Variants in RIMS4 observed in about 807,000 individuals in gnomAD.
The protein encoded by RIMS4 is regulating synaptic membrane exocytosis 4.
Under a neutral mutation model 29.0 loss-of-function variants are expected in RIMS4, and 9 were observed. The ratio of observed to expected loss-of-function variants is 0.31; its 90% confidence interval spans 0.19 to 0.54. The LOEUF (loss-of-function observed/expected upper bound fraction) is 0.54, where lower values mean the gene tolerates loss of function less well. RIMS4 is among the 20% of genes least tolerant of loss of function. The probability of loss-of-function intolerance (pLI) is 0.94; values close to 1 mark genes in which losing one functional copy is unlikely to be tolerated. For synonymous variants in RIMS4, 130 were observed against 152.9 expected (o/e 0.85, Z 1.10); for missense variants, 193 against 365.7 (o/e 0.53, Z 3.85).
rs2066062129 is a variant in RIMS4 at position 44,756,726 on chromosome 20, T to C, written c.591+172A>G. ...TCAGAAGGGAACTTGTTCAAAGTTGTGCAGTAAGTTGTGGAGCTCAGTTCA... is the reference window on the plus strand; with the variant it reads ...TCAGAAGGGAACTTGTTCAAAGTTGCGCAGTAAGTTGTGGAGCTCAGTTCA... On this transcript the variant is annotated intron_variant, in intron 5 of 5. Coordinates refer to ENST00000372851, the MANE Select transcript of RIMS4 (RefSeq NM_182970.4). This position sits in a 1 kb window ranked among gnomAD's most constrained non-coding sequence, Gnocchi z 5.9. Among the ~76,000 whole-genome samples, 1 of 152,042 alleles carries C rather than the reference T, an allele frequency of 6.6e-6. No individual in the cohort carries two copies. The highest frequency in any genetic ancestry group is 1.5e-5 in the Non-Finnish European group (1 of 67,980).
chr20:44,771,648 C>G (rs1054816823), intron 1 of RIMS4, among the ~76,000 whole-genome samples: 1 of 152,182 alleles, frequency 6.6e-6, no homozygotes, highest in Non-Finnish European at 1.5e-5. Context: ...GCTTTTTCTC[C>G]CCCTTGAATT....
At chr20:44,805,081 T>C (rs2066292939) in intron 1 of RIMS4, among the ~76,000 whole-genome samples, 1 of 151,958 alleles carries the variant, frequency 6.6e-6, no homozygotes, top group African/African-American at 2.4e-5. Flanking sequence ...GGGAGGATCG[T>C]TGAGTTCAGG....
chr20:44,790,197 G>A (rs1262910567), intron 1 of RIMS4, among the ~76,000 whole-genome samples: 1 of 152,250 alleles, frequency 6.6e-6, no homozygotes, highest in Non-Finnish European at 1.5e-5. Context: ...CACATGCAGC[G>A]CAGGTTGAGA....
intron 1 of RIMS4, among the ~76,000 whole-genome samples, chr20:44,807,276 C>A (rs893037318): frequency 1.3e-5 from 2 of 152,214 alleles, no homozygotes; most frequent in African/African-American, 4.8e-5. Context: ...GTGAAGAAGG[C>A]TCAGCTTCCT....
Position 44,757,992 on chromosome 20 carries a change from GGAAGGAGGGAGAGACGCT to G in RIMS4, c.349+62_349+79del. 4 of 1,125,398 alleles carry G rather than the reference GGAAGGAGGGAGAGACGCT, an allele frequency of 3.6e-6. No homozygotes were observed. In the Middle Eastern group the frequency reaches 7.6e-4, roughly 214 times the overall value. 69.7% of individuals were successfully genotyped at this position (1,125,398 alleles called of 1,614,324 possible). A position where few individuals can be genotyped will look rare whatever the true frequency, so the allele number is the denominator to read the frequency against. Reference sequence around the variant, plus strand: ...CAGAGGATGGATCAACAGGCAAAGGGGAAGGAGGGAGAGACGCTGAGCTTCTGGTGTGACACCCAACTC... The same window carrying G: ...CAGAGGATGGATCAACAGGCAAAGGGGAGCTTCTGGTGTGACACCCAACTC... On this transcript the variant is annotated intron_variant, in intron 3 of 5. Transcript: ENST00000372851.
chr20:44,788,628 C>A (rs943835245), intron 1 of RIMS4, among the ~76,000 whole-genome samples: 3 of 152,056 alleles, frequency 2.0e-5, no homozygotes, highest in African/African-American at 7.3e-5. Flanking sequence ...TGAAAACTAG[C>A]CAGTCAAGGC....
intron 2 of RIMS4, among the ~76,000 whole-genome samples, chr20:44,761,347 C>T (rs1389290389): frequency 6.6e-6 from 1 of 152,160 alleles, no homozygotes; most frequent in Non-Finnish European, 1.5e-5. Context: ...CAGCACTCAC[C>T]TCTATACTTT....
chr20:44,785,750 C>CTTT (rs969567189), intron 1 of RIMS4, among the ~76,000 whole-genome samples: 4 of 122,950 alleles, frequency 3.3e-5, no homozygotes, highest in African/African-American at 6.0e-5. Flanking sequence ...CATAGGTTTT[C>CTTT]TTTTTTTTTT....
At chr20:44,768,751 C>T (rs969148182) in intron 2 of RIMS4, among the ~76,000 whole-genome samples, 1 of 152,226 alleles carries the variant, frequency 6.6e-6, no homozygotes, top group African/African-American at 2.4e-5. Flanking sequence ...TTTTAGTAAT[C>T]GTAATCCTCA....
intron 2 of RIMS4, among the ~76,000 whole-genome samples, chr20:44,765,600 A>G (rs1323766981): frequency 6.6e-6 from 1 of 152,186 alleles, no homozygotes; most frequent in East Asian, 1.9e-4. Context: ...GCTGCTAAAT[A>G]GTAGAGGTGG....
intron 1 of RIMS4, among the ~76,000 whole-genome samples, chr20:44,787,860 G>A (rs1273697215): frequency 6.6e-6 from 1 of 152,194 alleles, no homozygotes; most frequent in Non-Finnish European, 1.5e-5. Context: ...GAACACAAGT[G>A]TCTGCAATAC....
chr20:44,806,746 T>C (rs180722286), intron 1 of RIMS4, among the ~76,000 whole-genome samples: 56 of 152,298 alleles, frequency 3.7e-4, no homozygotes, highest in African/African-American at 1.3e-3. Flanking sequence ...ATTAAAAGCA[T>C]AGATGCTTAA....
intron 1 of RIMS4, among the ~76,000 whole-genome samples, chr20:44,775,686 C>A (rs955477579): frequency 6.6e-6 from 1 of 152,174 alleles, no homozygotes; most frequent in African/African-American, 2.4e-5. Context: ...GTTCTGGGGG[C>A]ACTTCCTTCA....
intron 1 of RIMS4, among the ~76,000 whole-genome samples, chr20:44,778,781 C>A (rs2066171395): frequency 1.3e-5 from 2 of 152,234 alleles, no homozygotes; most frequent in Non-Finnish European, 2.9e-5. Context: ...AAAGCATGGA[C>A]AATGGAGCCT....
chr20:44,760,884 G>T (rs1021790949), intron 2 of RIMS4, among the ~76,000 whole-genome samples: 1 of 152,170 alleles, frequency 6.6e-6, no homozygotes, highest in Non-Finnish European at 1.5e-5. Flanking sequence ...GTAAATGATA[G>T]AAATCTTAGT....
intron 1 of RIMS4, among the ~76,000 whole-genome samples, chr20:44,800,567 A>G (rs533289235): frequency 1.3e-3 from 197 of 152,052 alleles, no homozygotes; most frequent in South Asian, 6.5e-3. Flanking sequence ...AGCAAAGATC[A>G]GCTAGAGAGA....
At chr20:44,809,987 C>T (rs1431323755) in intron 1 of RIMS4, among the ~76,000 whole-genome samples, 188 bp downstream of exon 1, 1 of 151,560 alleles carries the variant, frequency 6.6e-6, no homozygotes, top group African/African-American at 2.4e-5. Context: ...TCTCGGGGTC[C>T]CTGGGGGAGA....
In RIMS4 at chr20:44,760,660, G is replaced by T. The variant is rs573857537; in HGVS notation, c.237-2476C>A. On this transcript the variant is annotated intron_variant, in intron 2 of 5. Coordinates refer to ENST00000372851, the MANE Select transcript of RIMS4 (RefSeq NM_182970.4). ...ACGAGCCCTCACTGACATTCAGCTG[G>T]TACACCAGGTGTTATGGCCGGCGTC... Among the ~76,000 whole-genome samples the T allele has an allele frequency of 7.2e-4, 109 of 152,242 alleles. 2 individuals carry two copies. In the South Asian group the frequency reaches 0.022, roughly 30 times the overall value.
chr20:44,809,989 T>C (rs1242352448), intron 1 of RIMS4, among the ~76,000 whole-genome samples, 186 bp downstream of exon 1: 3 of 140,644 alleles, frequency 2.1e-5, no homozygotes, highest in Non-Finnish European at 3.1e-5. Flanking sequence ...TCGGGGTCCC[T>C]GGGGGAGAAG....
Sources: gnomAD v4.1 joint callset for allele counts (sites outside exome capture counted in the v4.1 genomes callset) on GRCh38, gnomAD v4.1.1 for gene constraint, Gnocchi (gnomAD v3.1) non-coding constraint, MANE v1.5 for transcripts, NCBI Gene and HGNC (gene_info 2026-07-23, HGNC 2026-07-21) for gene names.